TCF4: variants seen among roughly 807,000 people sequenced by gnomAD.
TCF4 encodes the protein SL3-3 enhancer factor 2.
TCF4 carries 3 observed loss-of-function variants against 82.1 expected under a neutral mutation model. That is an observed-to-expected ratio of 0.04 (90% confidence interval 0.02 to 0.09). TCF4 has a LOEUF of 0.09. Among genes scored for constraint, TCF4 ranks in the 10% least tolerant of loss-of-function variants. The probability of loss-of-function intolerance (pLI) is 1.00; values close to 1 mark genes in which losing one functional copy is unlikely to be tolerated. For synonymous variants in TCF4, 276 were observed against 309.6 expected (o/e 0.89, Z 1.14); for missense variants, 518 against 852.7 (o/e 0.61, Z 4.89).
chr18:55,263,651 G>C (rs1202881010), intron 11 of TCF4, among the ~76,000 whole-genome samples: 1 of 150,098 alleles, frequency 6.7e-6, no homozygotes, highest in Non-Finnish European at 1.5e-5. Context: ...ATTCTAAAGA[G>C]AAAATAATAA....
At chr18:55,620,708 C>T (rs887954708) in intron 2 of TCF4, among the ~76,000 whole-genome samples, 1 of 152,132 alleles carries the variant, frequency 6.6e-6, no homozygotes, top group Non-Finnish European at 1.5e-5. Flanking sequence ...ATAGGACTCC[C>T]CTTGCTTGTT....
chr18:55,625,699 G>T (rs2097725903), intron 2 of TCF4, among the ~76,000 whole-genome samples: 1 of 152,100 alleles, frequency 6.6e-6, no homozygotes, highest in Non-Finnish European at 1.5e-5. Context: ...TATTTTTGTT[G>T]ATGATATGAA....
At chr18:55,567,908 T>C (rs1456475258) in intron 3 of TCF4, among the ~76,000 whole-genome samples, 1 of 152,090 alleles carries the variant, frequency 6.6e-6, no homozygotes, top group Non-Finnish European at 1.5e-5. Flanking sequence ...ACAATTAAAT[T>C]GTAATAGAGG....
At chr18:55,468,881 G>GT (rs1555676456) in intron 3 of TCF4, among the ~76,000 whole-genome samples, 7 of 106,146 alleles carry the variant, frequency 6.6e-5, no homozygotes, top group Non-Finnish European at 9.9e-5. Flanking sequence ...TTTAGTTCTC[G>GT]CCCCCCCCCC....
chr18:55,463,946 CTCTG>C (rs1568117258), intron 4 of TCF4, 126 bp downstream of exon 4: 1 of 628,188 alleles, frequency 1.6e-6, no homozygotes, highest in Non-Finnish European at 2.6e-6. Context: ...ATGCCCATGC[CTCTG>C]TGTGTGTGTG....
chr18:55,416,401 G>T (rs2094526668), intron 5 of TCF4, among the ~76,000 whole-genome samples: 1 of 152,168 alleles, frequency 6.6e-6, no homozygotes, highest in South Asian at 2.1e-4. Flanking sequence ...TTTCAAGCTA[G>T]AAAGCCTGGT....
At chr18:55,303,653 A>C (rs2069152321) in intron 8 of TCF4, among the ~76,000 whole-genome samples, 1 of 152,232 alleles carries the variant, frequency 6.6e-6, no homozygotes, top group South Asian at 2.1e-4. Flanking sequence ...AGTGCAATAA[A>C]AAAAGATGGA....
At chr18:55,581,569 CA>C (rs1176600718) in intron 3 of TCF4, among the ~76,000 whole-genome samples, 1 of 151,982 alleles carries the variant, frequency 6.6e-6, no homozygotes, top group Admixed American at 6.6e-5. Flanking sequence ...CAGCTCTCCT[CA>C]ACAAATATCT....
Position 55,596,079 on chromosome 18 carries a change from A to G in TCF4, c.287-8943T>C, listed in dbSNP as rs568069863. 3.9e-4 allele frequency: 169 copies of G among 436,494 alleles called. 1 individual carries two copies. Among genetic ancestry groups the G allele is most frequent in the Admixed American group, 6.4e-4 (26 of 40,370 alleles). The allele number at this position is 436,494 out of a possible 1,614,324, so 27.0% of individuals were successfully genotyped here. A position where few individuals can be genotyped will look rare whatever the true frequency, so the allele number is the denominator to read the frequency against. ...GAAACCCCGTCTCTACTAAAAATAC[A>G]AAAATTAGCCTCGAGTGATGACTCA... On this transcript the variant is annotated intron_variant, in intron 2 of 20. Transcript: ENST00000398339.
intron 3 of TCF4, among the ~76,000 whole-genome samples, chr18:55,540,626 T>C (rs2097157630): frequency 6.6e-6 from 1 of 152,094 alleles, no homozygotes; most frequent in Non-Finnish European, 1.5e-5. Context: ...GCATATAAAC[T>C]TAGTATTCTT....
intron 2 of TCF4, 163 bp from the exon 3 acceptor site, chr18:55,585,515 T>G: frequency 1.4e-6 from 1 of 723,502 alleles, no homozygotes; most frequent in South Asian, 1.8e-5. Flanking sequence ...AGAAACAACA[T>G]TACAGATCCC....
chr18:55,611,849 A>C (rs1364829075), intron 2 of TCF4, among the ~76,000 whole-genome samples: 1 of 152,016 alleles, frequency 6.6e-6, no homozygotes, highest in East Asian at 1.9e-4. Context: ...GGTCACTGCA[A>C]CCTCTGCCTC....
chr18:55,297,798 A>C (rs947155466), intron 8 of TCF4, among the ~76,000 whole-genome samples: 1 of 152,078 alleles, frequency 6.6e-6, no homozygotes, highest in African/African-American at 2.4e-5. Context: ...AAAAACTAGC[A>C]ATTTTTAGGA....
intron 5 of TCF4, among the ~76,000 whole-genome samples, chr18:55,433,575 T>C (rs2095257608): frequency 6.6e-6 from 1 of 152,218 alleles, no homozygotes; most frequent in African/African-American, 2.4e-5. Context: ...CTGGACTGTT[T>C]TGAAAATACA....
At position 55,553,020 on chromosome 18, in the gene TCF4, C is replaced by T. The variant is rs145661300; in HGVS notation, c.145+32260G>A. On this transcript the variant is annotated intron_variant, in intron 3 of 19. Coordinates refer to ENST00000354452, the MANE Select transcript of TCF4 (RefSeq NM_001083962.2). ...AGAAACCACAGAGGGAGAAAAAGCACAGAAGTGTCACATACTGTTTCAGGT... is the reference window on the plus strand; with the variant it reads ...AGAAACCACAGAGGGAGAAAAAGCATAGAAGTGTCACATACTGTTTCAGGT... 5.8e-4 allele frequency among the ~76,000 whole-genome samples: 89 copies of T among 152,274 alleles called. 1 individual carries two copies. The highest frequency in any genetic ancestry group is 1.9e-3 in the African/African-American group (78 of 41,556).
At chr18:55,563,352 T>G (rs1293350313) in intron 3 of TCF4, among the ~76,000 whole-genome samples, 4 of 152,132 alleles carry the variant, frequency 2.6e-5, no homozygotes, top group Admixed American at 2.6e-4. Flanking sequence ...ACTTAATCAC[T>G]GATTGTTTAA....
At position 55,631,494 on chromosome 18, in the gene TCF4, G is replaced by A. The variant is rs900204188; in HGVS notation, c.196-106C>T. On this transcript the variant is annotated intron_variant, in intron 1 of 20. Coordinates refer to the TCF4 transcript ENST00000398339. ...GAAGAAATGATAATGTTTTGGGTTA[G>A]GGTAATGCCCTACAGGGATGAAGAC... is the stretch of plus-strand genomic sequence containing the variant. The A allele has an allele frequency of 7.4e-6, 9 of 1,221,282 alleles. No individual in the cohort carries two copies. In the African/African-American group the frequency reaches 1.2e-4, roughly 16 times the overall value. 75.7% of individuals were successfully genotyped at this position (1,221,282 alleles called of 1,614,324 possible).
chr18:55,602,796 T>C (rs1361921048), intron 2 of TCF4, among the ~76,000 whole-genome samples: 2 of 152,198 alleles, frequency 1.3e-5, no homozygotes, highest in African/African-American at 4.8e-5. Context: ...AAATTGTAAT[T>C]GCAGACACAA....
chr18:55,492,933 A>T (rs2096591121), intron 3 of TCF4, among the ~76,000 whole-genome samples: 1 of 152,140 alleles, frequency 6.6e-6, no homozygotes, highest in Non-Finnish European at 1.5e-5. Context: ...AGACACATAC[A>T]CATATCCACC....
Sources: gnomAD v4.1 joint callset for allele counts (sites outside exome capture counted in the v4.1 genomes callset) on GRCh38, gnomAD v4.1.1 for gene constraint, MANE v1.5 for transcripts, NCBI Gene and HGNC (gene_info 2026-07-23, HGNC 2026-07-21) for gene names.